METTL9: variants seen among roughly 807,000 people sequenced by gnomAD.
METTL9 encodes the protein protein-L-histidine N-pros-methyltransferase.
A neutral mutation model predicts 36.0 loss-of-function variants in METTL9; 10 were observed. The ratio of observed to expected loss-of-function variants is 0.28; its 90% CI spans 0.17 to 0.47. The LOEUF is 0.47. METTL9 is among the 20% of genes least tolerant of loss of function. METTL9 has a pLI of 0.99. For synonymous variants in METTL9, 175 were observed against 149.7 expected (o/e 1.17, Z -1.23); for missense variants, 246 against 383.5 (o/e 0.64, Z 3.00).
At chr16:21,651,976 T>C (rs1384663951) in intron 4 of METTL9, 2 of 152,034 alleles carry the variant, frequency 1.3e-5, no homozygotes, top group Admixed American at 6.6e-5. Flanking sequence ...TTAAGAACTT[T>C]CCCCCCTTCC....
At chr16:21,615,228 C>CTTCT (rs1215605549) in intron 2 of METTL9, among the ~76,000 whole-genome samples, 2 of 151,940 alleles carry the variant, frequency 1.3e-5, no homozygotes, top group African/African-American at 4.8e-5. Flanking sequence ...TCTCTAGTGC[C>CTTCT]TTCTTTCTTT....
intron 3 of METTL9, among the ~76,000 whole-genome samples, chr16:21,624,406 A>G (rs1236923709): frequency 1.3e-5 from 2 of 152,152 alleles, no homozygotes; most frequent in African/African-American, 4.8e-5. Flanking sequence ...ATGTGTTGAG[A>G]TTTGGAAATA....
In METTL9 at chr16:21,599,997, C is replaced by G. The variant is rs994224252; in HGVS notation, c.165+99C>G. ...GGGACGGCTCCGCGAGGGGGCGGCC[C>G]GGCCCTCGCCCCTCCGCCTCGGCCC... On this transcript the variant is annotated intron_variant, in intron 1 of 4. Coordinates refer to ENST00000358154, the MANE Select transcript of METTL9 (RefSeq NM_016025.5). This position sits in a 1 kb window ranked among gnomAD's most constrained non-coding sequence, Gnocchi z 4.4. 4 of 1,016,436 alleles carry G rather than the reference C, an allele frequency of 3.9e-6. No individual in the cohort carries two copies. Among genetic ancestry groups the G allele is most frequent in the Non-Finnish European group, 5.0e-6 (4 of 806,624 alleles). 63.0% of individuals were successfully genotyped at this position (1,016,436 alleles called of 1,614,324 possible). A position where few individuals can be genotyped will look rare whatever the true frequency, so the allele number is the denominator to read the frequency against.
rs1280904223 is a variant in METTL9 at position 21,648,236 on chromosome 16, A to G, written c.752-6991A>G. 2.6e-5 allele frequency among the ~76,000 whole-genome samples: 4 copies of G among 152,204 alleles called. No homozygotes were observed. In the East Asian group the frequency reaches 7.7e-4, roughly 29 times the overall value. ...TAGCATTTATCTTATTTAATTAACAATATTGTGATAAAGAGCACAGACTTG... is the reference window on the plus strand; with the variant it reads ...TAGCATTTATCTTATTTAATTAACAGTATTGTGATAAAGAGCACAGACTTG... On this transcript the variant is annotated intron_variant, in intron 4 of 4. Coordinates refer to ENST00000358154, the MANE Select transcript of METTL9 (RefSeq NM_016025.5).
chr16:21,624,868 G>T (rs1373870514), intron 3 of METTL9, 63 bp from the exon 4 acceptor site: 1 of 1,431,484 alleles, frequency 7.0e-7, no homozygotes, highest in Non-Finnish European at 9.8e-7. Flanking sequence ...TGTCATCTCA[G>T]TTATTTTTAA....
In METTL9 at chr16:21,612,832, A is replaced by G; in HGVS notation, c.353A>G (p.Asn118Ser). The change falls in exon 2 of 5, where the codon AAT becomes AGT. Residue 118 changes from asparagine to serine, a missense_variant. Asn to Ser is a conservative substitution (Grantham distance 46). Around this residue, in one of 2 missense-constraint regions of METTL9, gnomAD observed 146 missense variants for 302.1 expected, o/e 0.48. Coordinates refer to ENST00000358154, the MANE Select transcript of METTL9 (RefSeq NM_016025.5). ...CTGTTTATGTCTAGAACATCTATCA[A>G]TGGGTAAGTGAATCTTGGACATTTA... ...FSLFMSRTSI[N>S]GLLGRGSMFV... is the part of the protein sequence containing the mutation. The G allele has an allele frequency of 6.3e-7, 1 of 1,586,294 alleles. No individual in the cohort carries two copies. The highest frequency in any genetic ancestry group is 8.5e-7 in the Non-Finnish European group (1 of 1,169,714).
intron 4 of METTL9, among the ~76,000 whole-genome samples, chr16:21,629,302 C>T (rs1239499465): frequency 2.6e-5 from 4 of 152,112 alleles, no homozygotes; most frequent in Non-Finnish European, 5.9e-5. Context: ...TAGATGAGAT[C>T]ATGAGAGCAG....
intron 4 of METTL9, among the ~76,000 whole-genome samples, chr16:21,629,295 A>G (rs1965887473): frequency 6.6e-6 from 1 of 152,110 alleles, no homozygotes; most frequent in South Asian, 2.1e-4. Flanking sequence ...TTAGGATTAG[A>G]TGAGATCATG....
At chr16:21,616,756 TA>T (rs751882890) in intron 2 of METTL9, among the ~76,000 whole-genome samples, 15 of 152,344 alleles carry the variant, frequency 9.8e-5, no homozygotes, top group Non-Finnish European at 1.6e-4. Flanking sequence ...TAGTGTCTCT[TA>T]AAAATCTGTT....
chr16:21,645,139 C>T (rs1372144336), intron 4 of METTL9, among the ~76,000 whole-genome samples: 2 of 152,160 alleles, frequency 1.3e-5, no homozygotes, highest in African/African-American at 4.8e-5. Flanking sequence ...TCTGAATAGC[C>T]TGTACTTTCC....
chr16:21,605,816 T>G (rs1440414098), intron 1 of METTL9, among the ~76,000 whole-genome samples: 2 of 152,196 alleles, frequency 1.3e-5, no homozygotes, highest in Non-Finnish European at 2.9e-5. Flanking sequence ...GGGTGTTTAA[T>G]TGTTCAATCC....
intron 2 of METTL9, among the ~76,000 whole-genome samples, chr16:21,616,446 C>T (rs1247164214): frequency 6.6e-6 from 1 of 152,198 alleles, no homozygotes; most frequent in Non-Finnish European, 1.5e-5. Flanking sequence ...CCTAGATAAA[C>T]TAGAATTTCA....
chr16:21,601,573 G>A (rs1026477793), intron 1 of METTL9, among the ~76,000 whole-genome samples: 1 of 152,164 alleles, frequency 6.6e-6, no homozygotes, highest in Non-Finnish European at 1.5e-5. Flanking sequence ...ACTGTGATGT[G>A]TATGGAGGCG....
chr16:21,610,598 A>G (rs1001781175), intron 1 of METTL9, among the ~76,000 whole-genome samples: 1 of 152,228 alleles, frequency 6.6e-6, no homozygotes, highest in African/African-American at 2.4e-5. Context: ...TAAGGGTTCA[A>G]CCACACGTGT....
intron 4 of METTL9, among the ~76,000 whole-genome samples, chr16:21,637,504 C>G (rs949540596): frequency 2.0e-5 from 3 of 152,230 alleles, no homozygotes; most frequent in Non-Finnish European, 4.4e-5. Context: ...CAGAAAAGTT[C>G]TCCAGGTCCC....
intron 1 of METTL9, among the ~76,000 whole-genome samples, chr16:21,611,290 C>T (rs1567327547): frequency 2.0e-5 from 3 of 152,060 alleles, no homozygotes; most frequent in African/African-American, 2.4e-5. Context: ...GTAACTAGTT[C>T]CTTTTAACGT....
chr16:21,627,091 G>A lies in METTL9; in HGVS notation c.751+1976G>A, dbSNP rs575243633. The A allele has an allele frequency of 8.0e-5, 79 of 985,308 alleles. No homozygotes were observed. In the African/African-American group the frequency reaches 1.3e-3, roughly 17 times the overall value. The allele number at this position is 985,308 out of a possible 1,614,324, so 61.0% of individuals were successfully genotyped here. A position where few individuals can be genotyped will look rare whatever the true frequency, so the allele number is the denominator to read the frequency against. ...TGAGACAAGAAGCCTTGTTGCTATG[G>A]GTGACTTTTAGTGACCTATAAATTT... On this transcript the variant is annotated intron_variant, in intron 4 of 4. Transcript: ENST00000358154.
At chr16:21,612,959 G>C in intron 2 of METTL9, 124 bp downstream of exon 2, 2 of 843,054 alleles carry the variant, frequency 2.4e-6, no homozygotes, top group Non-Finnish European at 3.5e-6. Flanking sequence ...CTACTAGTCA[G>C]AACCTTGGCA....
chr16:21,621,887 G>A (rs1965705038), intron 3 of METTL9, among the ~76,000 whole-genome samples: 1 of 151,540 alleles, frequency 6.6e-6, no homozygotes, highest in African/African-American at 2.4e-5. Context: ...TTTTTTGGGA[G>A]ACGGAATCTC....
Sources: allele counts gnomAD v4.1 joint callset (sites outside exome capture counted in the v4.1 genomes callset), GRCh38; gene constraint gnomAD v4.1.1; regional missense constraint gnomAD v4.1.1; non-coding constraint Gnocchi (gnomAD v3.1); transcripts MANE v1.5; gene names NCBI Gene and HGNC (gene_info 2026-07-23, HGNC 2026-07-21).